The following CCDC7 variants were observed in gnomAD, a reference collection of about 807,000 sequenced individuals.
CCDC7 encodes coiled-coil domain containing 7.
Under a neutral mutation model 196.9 loss-of-function variants are expected in CCDC7, and 183 were observed. The ratio of observed to expected loss-of-function variants is 0.93; its 90% CI spans 0.82 to 1.05. CCDC7 has a LOEUF of 1.05. Among genes scored for constraint, CCDC7 ranks in the 50% least tolerant of loss-of-function variants. The pLI, the probability that CCDC7 is intolerant of heterozygous loss-of-function variation, is 0.00. For synonymous variants in CCDC7, 525 were observed against 484.6 expected, an observed-to-expected ratio of 1.08 and a Z score of -1.10; for missense variants, 1,540 against 1,482.2, an observed-to-expected ratio of 1.04 and a Z score of -0.64.
At chr10:32,673,938 T>A (rs1341578336) in intron 21 of CCDC7, among the ~76,000 whole-genome samples, 2 of 152,018 alleles carry the variant, frequency 1.3e-5, no homozygotes, top group Non-Finnish European at 2.9e-5. Flanking sequence ...CTTTTCTCAT[T>A]TCCATGGCAT....
At chr10:32,721,569 T>C (rs2082420749) in intron 25 of CCDC7, among the ~76,000 whole-genome samples, 1 of 152,148 alleles carries the variant, frequency 6.6e-6, no homozygotes, top group Non-Finnish European at 1.5e-5. Context: ...GATGTGAATG[T>C]ACTAGTAGCT....
chr10:32,558,069 T>C (rs1359311703), intron 13 of CCDC7, among the ~76,000 whole-genome samples: 1 of 152,226 alleles, frequency 6.6e-6, no homozygotes, highest in Non-Finnish European at 1.5e-5. Flanking sequence ...ACATTTTTAT[T>C]ATGCTTGCTT....
chr10:32,881,419 T>G (rs1229630816), downstream of CCDC7, among the ~76,000 whole-genome samples: 1 of 152,168 alleles, frequency 6.6e-6, no homozygotes, highest in African/African-American at 2.4e-5. Flanking sequence ...ATTGAGCCAT[T>G]GGGCCAAGGA....
At chr10:32,669,795 C>A (rs2073681941) in intron 21 of CCDC7, among the ~76,000 whole-genome samples, 1 of 151,786 alleles carries the variant, frequency 6.6e-6, no homozygotes, top group African/African-American at 2.4e-5. Flanking sequence ...TTGATTTTGT[C>A]TTTTCTTTTT....
intron 16 of CCDC7, among the ~76,000 whole-genome samples, chr10:32,575,506 C>CT (rs1163032748): frequency 6.6e-6 from 1 of 152,144 alleles, no homozygotes; most frequent in African/African-American, 2.4e-5. Flanking sequence ...GAAGATGCTC[C>CT]TGAGAGGAAC....
intron 18 of CCDC7, among the ~76,000 whole-genome samples, chr10:32,585,940 G>A (rs1361725990): frequency 6.6e-6 from 1 of 152,118 alleles, no homozygotes; most frequent in Non-Finnish European, 1.5e-5. Flanking sequence ...GATCCTTGAG[G>A]AATCGCCACA....
chr10:32,713,401 T>C (rs764161213), intron 25 of CCDC7, among the ~76,000 whole-genome samples: 7 of 152,214 alleles, frequency 4.6e-5, no homozygotes, highest in Non-Finnish European at 8.8e-5. Context: ...AGTTCCCCAC[T>C]GGGGACCTAG....
chr10:32,640,868 TTTTTTTTC>T (rs1171672159), intron 20 of CCDC7, among the ~76,000 whole-genome samples: 15 of 67,106 alleles, frequency 2.2e-4, no homozygotes, highest in Non-Finnish European at 5.2e-4. Context: ...GATTTTCTTT[TTTTTTTTC>T]TTTTTTTTTT....
At chr10:32,537,153 A>AG (rs2050643364) in intron 11 of CCDC7, among the ~76,000 whole-genome samples, 1 of 151,970 alleles carries the variant, frequency 6.6e-6, no homozygotes, top group Non-Finnish European at 1.5e-5. Context: ...CCTCAACCTC[A>AG]CTGGCATCTG....
In CCDC7 at chr10:32,511,263, G is replaced by GGGGC; in HGVS notation, c.873-6679_873-6678insCGGG. 6.8e-6 allele frequency: 4 copies of GGGGC among 591,266 alleles called. No homozygotes were observed. The Admixed American group carries it at 9.5e-5, about 14-fold the overall frequency. The allele number at this position is 591,266 out of a possible 1,614,324, so 36.6% of individuals were successfully genotyped here. A position where few individuals can be genotyped will look rare whatever the true frequency, so the allele number is the denominator to read the frequency against. ...CCACAGAATTATTCTGTGGGGGGCG[G>GGGGC]GGGGGGCGGGGAAATGTACTTTTTG... On this transcript the variant is annotated intron_variant, in intron 9 of 41. Coordinates refer to ENST00000639629, the Ensembl canonical transcript of CCDC7.
chr10:32,601,838 C>G (rs1198747060), intron 18 of CCDC7, among the ~76,000 whole-genome samples: 1 of 152,110 alleles, frequency 6.6e-6, no homozygotes, highest in Non-Finnish European at 1.5e-5. Flanking sequence ...CTGTGTGTAG[C>G]TAAAGGATTG....
intron 21 of CCDC7, 55 bp downstream of exon 22, chr10:32,664,216 G>A (rs2072143974): frequency 1.0e-5 from 4 of 386,134 alleles, no homozygotes; most frequent in Non-Finnish European, 1.8e-5. Flanking sequence ...ATTTTTAATT[G>A]GCAAGTAAAA....
At chr10:32,459,319 G>A (rs1309449633) in intron 3 of CCDC7, among the ~76,000 whole-genome samples, 2 of 151,440 alleles carry the variant, frequency 1.3e-5, no homozygotes, top group African/African-American at 4.9e-5. Context: ...AGTTTAGTGT[G>A]AACCTCTAGA....
intron 18 of CCDC7, among the ~76,000 whole-genome samples, chr10:32,617,015 A>T (rs1194270632): frequency 3.3e-5 from 5 of 151,532 alleles, no homozygotes; most frequent in East Asian, 3.9e-4. Context: ...CTGGTTCGAT[A>T]TTGGGTGTTT....
intron 25 of CCDC7, among the ~76,000 whole-genome samples, chr10:32,719,972 G>T (rs1017065174): frequency 1.3e-5 from 2 of 152,006 alleles, no homozygotes; most frequent in African/African-American, 4.8e-5. Flanking sequence ...AATTCCTCAG[G>T]GATCTAGAAC....
rs1349329882 is a variant in CCDC7 at position 32,451,929 on chromosome 10, G to T, written c.279+8G>T. 6.2e-7 allele frequency: 1 copy of T among 1,605,146 alleles called. No homozygotes were observed. The highest frequency in any genetic ancestry group is 8.5e-7 in the Non-Finnish European group (1 of 1,175,400). On this transcript the variant is annotated splice_region_variant and intron_variant, in intron 1 of 41. Transcript: ENST00000639629. Reference sequence around the variant, plus strand: ...ATCAAACATCTGAAGATGGTAAGAGGCTTGTTAGTTTCTGTGTTGCAGGGC... The same window carrying T: ...ATCAAACATCTGAAGATGGTAAGAGTCTTGTTAGTTTCTGTGTTGCAGGGC...
intron 13 of CCDC7, among the ~76,000 whole-genome samples, chr10:32,554,472 A>G (rs1373143927): frequency 6.6e-6 from 1 of 152,206 alleles, no homozygotes; most frequent in Non-Finnish European, 1.5e-5. Flanking sequence ...TTCAGGACCC[A>G]GTGAGCTCCC....
At chr10:32,558,698 C>T (rs542297376) in intron 13 of CCDC7, among the ~76,000 whole-genome samples, 3 of 152,292 alleles carry the variant, frequency 2.0e-5, no homozygotes, top group South Asian at 2.1e-4. Context: ...CCAAGATGGC[C>T]GAATAGGAAC....
chr10:32,523,363 C>T (rs2048156839), intron 11 of CCDC7, among the ~76,000 whole-genome samples: 2 of 151,944 alleles, frequency 1.3e-5, no homozygotes, highest in Non-Finnish European at 2.9e-5. Flanking sequence ...CTGGACAACA[C>T]GGTGAAACCC....
Sources: allele counts gnomAD v4.1 joint callset (sites outside exome capture counted in the v4.1 genomes callset), GRCh38; gene constraint gnomAD v4.1.1; transcripts MANE v1.5; gene names NCBI Gene and HGNC (gene_info 2026-07-23, HGNC 2026-07-21).